ROBO1: variants seen among roughly 807,000 people sequenced by gnomAD.
ROBO1 encodes roundabout homolog 1.
Under a neutral mutation model 195.9 loss-of-function variants are expected in ROBO1, and 149 were observed. The ratio of observed to expected loss-of-function variants is 0.76; its 90% CI spans 0.67 to 0.87. The LOEUF (loss-of-function observed/expected upper bound fraction) is 0.87. Ranked by LOEUF, ROBO1 falls within the 40% of genes least tolerant of loss-of-function variation. The pLI, the probability that ROBO1 is intolerant of heterozygous loss-of-function variation, is 0.00. For missense variants in ROBO1, 1,933 were observed against 2,068.3 expected, an observed-to-expected ratio of 0.93 and a Z score of 1.27; for synonymous variants, 816 against 733.2, an observed-to-expected ratio of 1.11 and a Z score of -1.82.
At chr3:78,988,709 CT>C (rs2077169154) in intron 3 of ROBO1, among the ~76,000 whole-genome samples, 1 of 152,166 alleles carries the variant, frequency 6.6e-6, no homozygotes, top group Non-Finnish European at 1.5e-5. Context: ...AAGGTTTATT[CT>C]CTTCTATTAC....
intron 4 of ROBO1, among the ~76,000 whole-genome samples, chr3:78,914,270 A>T (rs1484548194): frequency 6.6e-6 from 1 of 152,202 alleles, no homozygotes; most frequent in African/African-American, 2.4e-5. Flanking sequence ...ACCATATTGC[A>T]TCAAAAATGG....
intron 4 of ROBO1, among the ~76,000 whole-genome samples, chr3:78,907,240 G>C (rs1463643567): frequency 6.6e-6 from 1 of 151,930 alleles, no homozygotes; most frequent in Non-Finnish European, 1.5e-5. Flanking sequence ...TTTTGACCTT[G>C]TTGGCCCCTG....
intron 3 of ROBO1, among the ~76,000 whole-genome samples, chr3:79,054,688 A>C (rs1345176280): frequency 6.6e-6 from 1 of 152,128 alleles, no homozygotes; most frequent in Non-Finnish European, 1.5e-5. Flanking sequence ...GGCTCAGCAA[A>C]CACGGCCAAA....
At chr3:78,939,120 C>T (rs1164423694) in intron 3 of ROBO1, among the ~76,000 whole-genome samples, 193 bp from the exon 4 acceptor site, 1 of 152,182 alleles carries the variant, frequency 6.6e-6, no homozygotes, top group Non-Finnish European at 1.5e-5. Flanking sequence ...TTTTGAGTCT[C>T]CACTCAGAAA....
At chr3:78,882,762 A>C (rs939132665) in intron 4 of ROBO1, among the ~76,000 whole-genome samples, 1 of 150,448 alleles carries the variant, frequency 6.6e-6, no homozygotes, top group African/African-American at 2.4e-5. Flanking sequence ...CTTGGGGAAA[A>C]TATTTCTTAG....
chr3:79,094,080 A>G (rs2079524208), intron 3 of ROBO1, among the ~76,000 whole-genome samples: 1 of 152,074 alleles, frequency 6.6e-6, no homozygotes, highest in Non-Finnish European at 1.5e-5. Context: ...AATAAAACTC[A>G]AAGAGGTTAT....
intron 2 of ROBO1, among the ~76,000 whole-genome samples, chr3:79,251,888 T>C (rs2082736333): frequency 6.6e-6 from 1 of 152,096 alleles, no homozygotes. Flanking sequence ...AGGTGGAGGT[T>C]GCAGTGAGCC....
chr3:79,312,899 A>G (rs540699064), intron 2 of ROBO1, among the ~76,000 whole-genome samples: 1 of 152,350 alleles, frequency 6.6e-6, no homozygotes, highest in Admixed American at 6.5e-5. Context: ...ACATGCATAC[A>G]TATACCTATA....
intron 2 of ROBO1, among the ~76,000 whole-genome samples, chr3:79,538,054 T>C (rs1941938491): frequency 6.6e-6 from 1 of 152,190 alleles, no homozygotes; most frequent in Admixed American, 6.5e-5. Context: ...CATGTATCTT[T>C]CTTTTTATCT....
intron 2 of ROBO1, among the ~76,000 whole-genome samples, chr3:79,336,127 C>G (rs944026050): frequency 1.3e-5 from 2 of 152,092 alleles, no homozygotes; most frequent in Non-Finnish European, 2.9e-5. Context: ...AAATCTGCAG[C>G]CTGATGATGC....
intron 2 of ROBO1, among the ~76,000 whole-genome samples, chr3:79,512,189 A>G (rs369053489): frequency 0.027 from 1,645 of 61,654 alleles, 23 homozygotes; most frequent in Middle Eastern, 0.08. Context: ...TTTATATCAC[A>G]TAGAATTATT....
At chr3:79,331,819 T>A (rs535007360) in intron 2 of ROBO1, among the ~76,000 whole-genome samples, 166 of 152,274 alleles carry the variant, frequency 1.1e-3, no homozygotes, top group African/African-American at 3.8e-3. Context: ...CTGATGATAA[T>A]AAAAGAGCAT....
intron 1 of ROBO1, among the ~76,000 whole-genome samples, chr3:79,724,702 G>A (rs988493838): frequency 6.6e-6 from 1 of 152,178 alleles, no homozygotes; most frequent in Non-Finnish European, 1.5e-5. Context: ...GACCTTGATT[G>A]CAGCCCTGTG....
At chr3:79,293,419 A>G (rs546831762) in intron 2 of ROBO1, among the ~76,000 whole-genome samples, 1 of 152,128 alleles carries the variant, frequency 6.6e-6, no homozygotes, top group East Asian at 1.9e-4. Flanking sequence ...GTCTTCTGCT[A>G]GCTTTTGAAT....
chr3:79,228,788 C>T (rs1229123762), intron 2 of ROBO1, among the ~76,000 whole-genome samples: 1 of 151,874 alleles, frequency 6.6e-6, no homozygotes, highest in East Asian at 1.9e-4. Flanking sequence ...GACAAGTTTG[C>T]AAAATAACAA....
intron 1 of ROBO1, among the ~76,000 whole-genome samples, chr3:79,663,246 C>T (rs1946383624): frequency 1.3e-5 from 2 of 151,768 alleles, no homozygotes; most frequent in Non-Finnish European, 2.9e-5. Context: ...ACTTCTATAC[C>T]ATTAATAAAA....
intron 4 of ROBO1, among the ~76,000 whole-genome samples, chr3:78,761,461 T>A (rs1312102347): frequency 2.6e-5 from 4 of 152,216 alleles, no homozygotes; most frequent in African/African-American, 9.6e-5. Context: ...ACAATCTTTT[T>A]ATATTCTATG....
intron 1 of ROBO1, among the ~76,000 whole-genome samples, chr3:79,643,534 A>G (rs991731209): frequency 6.6e-6 from 1 of 152,326 alleles, no homozygotes; most frequent in Non-Finnish European, 1.5e-5. Flanking sequence ...ATTAGACAAT[A>G]CCAAGTCAAA....
intron 2 of ROBO1, among the ~76,000 whole-genome samples, chr3:79,429,153 C>T (rs961124816): frequency 1.8e-4 from 28 of 152,186 alleles, no homozygotes; most frequent in African/African-American, 6.0e-4. Context: ...ACTAGAAATA[C>T]GTGCATATCA....
Sources: allele counts gnomAD v4.1 joint callset (sites outside exome capture counted in the v4.1 genomes callset), GRCh38; gene constraint gnomAD v4.1.1; transcripts MANE v1.5; gene names NCBI Gene and HGNC (gene_info 2026-07-23, HGNC 2026-07-21).